The following CHSY3 variants were observed in gnomAD, a reference collection of about 807,000 sequenced individuals.
CHSY3 encodes N-acetylgalactosaminyl-proteoglycan 3-beta-glucuronosyltransferase 3.
CHSY3 carries 35 observed loss-of-function variants against 67.2 expected under a neutral mutation model. The observed-to-expected ratio is 0.52, with a 90% CI of 0.40 to 0.69. The LOEUF (loss-of-function observed/expected upper bound fraction) is 0.69. Among genes scored for constraint, CHSY3 ranks in the 30% least tolerant of loss-of-function variants. CHSY3 has a pLI of 0.00. For synonymous variants in CHSY3, 474 were observed against 434.7 expected (o/e 1.09, Z -1.12); for missense variants, 1,069 against 1,138.5 (o/e 0.94, Z 0.88).
At chr5:130,008,563 A>G (rs534044064) in intron 2 of CHSY3, among the ~76,000 whole-genome samples, 2 of 152,370 alleles carry the variant, frequency 1.3e-5, no homozygotes, top group Admixed American at 1.3e-4. Context: ...TCTAAAAGCC[A>G]GTGTCCTCTT....
intron 2 of CHSY3, among the ~76,000 whole-genome samples, chr5:130,063,736 G>A (rs1267674970): frequency 6.6e-6 from 1 of 152,060 alleles, no homozygotes; most frequent in Non-Finnish European, 1.5e-5. Flanking sequence ...CCAGTATTTG[G>A]TGTCTGGTGA....
Position 129,905,623 on chromosome 5 carries a change from A to G in CHSY3, c.794A>G (p.Tyr265Cys), listed in dbSNP as rs1170719977. ...TTCATGCGCGCCGACGACGATGTCT[A>G]CATCAAAGGTGACCTCCCTGCGCCG... Reference protein sequence around the residue: ...EWFMRADDDVYIKGDKLEEFL... With the variant: ...EWFMRADDDVCIKGDKLEEFL... The change falls in exon 1 of 3, where the codon TAC becomes TGC. Residue 265 changes from tyrosine to cysteine, a missense_variant. Tyr to Cys is a radical substitution (Grantham distance 194). Coordinates refer to ENST00000305031, the MANE Select transcript of CHSY3 (RefSeq NM_175856.5). 1 of 1,612,858 alleles carries G rather than the reference A, an allele frequency of 6.2e-7. No individual in the cohort carries two copies. The highest frequency in any genetic ancestry group is 1.3e-5 in the African/African-American group (1 of 75,026).
At chr5:130,023,968 C>G (rs4342360) in intron 2 of CHSY3, among the ~76,000 whole-genome samples, 78,817 of 151,574 alleles carry the variant, frequency 0.52, 21,188 homozygotes, top group East Asian at 0.67. Flanking sequence ...TTGGCATGAA[C>G]TACTTATCAC....
chr5:130,018,862 A>G (rs948377443), intron 2 of CHSY3, among the ~76,000 whole-genome samples: 1 of 152,100 alleles, frequency 6.6e-6, no homozygotes, highest in Non-Finnish European at 1.5e-5. Context: ...TTACTGGCTC[A>G]GTTCTCGAGT....
intron 2 of CHSY3, among the ~76,000 whole-genome samples, chr5:130,008,584 ACC>A (rs978033151): frequency 6.6e-6 from 1 of 152,114 alleles, no homozygotes; most frequent in Non-Finnish European, 1.5e-5. Flanking sequence ...CCTCCAAACA[ACC>A]CACTAGCTCC....
In CHSY3 at chr5:130,152,958, G is replaced by A. The variant is rs185254989; in HGVS notation, c.1087-31271G>A. Among the ~76,000 whole-genome samples the A allele has an allele frequency of 2.4e-3, 366 of 152,254 alleles. 3 individuals are homozygous for A. Among genetic ancestry groups the A allele is most frequent in the Admixed American group, 9.0e-3 (137 of 15,292 alleles). On this transcript the variant is annotated intron_variant, in intron 2 of 2. Transcript: ENST00000305031. ...CAACTACTGATAGGCTAAGTGCAGC[G>A]GCTCACACCTGTAATCAGTCCCAGC...
intron 2 of CHSY3, among the ~76,000 whole-genome samples, chr5:130,016,930 C>G (rs1580652482): frequency 1.3e-5 from 2 of 152,086 alleles, no homozygotes; most frequent in African/African-American, 4.8e-5. Context: ...GGATGATCAA[C>G]CGACACATTA....
At chr5:130,159,923 A>T (rs958587648) in intron 2 of CHSY3, among the ~76,000 whole-genome samples, 1 of 152,198 alleles carries the variant, frequency 6.6e-6, no homozygotes, top group African/African-American at 2.4e-5. Flanking sequence ...TCTAACTAAA[A>T]ATCCCTAATA....
intron 2 of CHSY3, among the ~76,000 whole-genome samples, chr5:129,980,952 A>G (rs568196792): frequency 7.9e-5 from 12 of 151,742 alleles, no homozygotes; most frequent in Non-Finnish European, 1.8e-4. Flanking sequence ...CACACCTGTA[A>G]TCCCAGCACT....
At chr5:129,960,457 G>A (rs1762298459) in intron 2 of CHSY3, among the ~76,000 whole-genome samples, 1 of 151,812 alleles carries the variant, frequency 6.6e-6, no homozygotes, top group South Asian at 2.1e-4. Flanking sequence ...GAAATGACTT[G>A]GGAAATTTAA....
intron 1 of CHSY3, 82 bp downstream of exon 1, chr5:129,905,713 C>T: frequency 1.3e-6 from 2 of 1,545,124 alleles, no homozygotes; most frequent in East Asian, 2.3e-5. Context: ...CTGCCCAGCC[C>T]CTCCGCTGCT....
intron 2 of CHSY3, among the ~76,000 whole-genome samples, chr5:129,999,394 T>G (rs908745255): frequency 6.7e-6 from 1 of 149,310 alleles, no homozygotes; most frequent in African/African-American, 2.6e-5. Flanking sequence ...CTAAAAACTT[T>G]CCATCATATA....
rs118180143 is a variant in CHSY3 at position 130,115,126 on chromosome 5, T to G, written c.1087-69103T>G. Among the ~76,000 whole-genome samples the G allele has an allele frequency of 5.4e-3, 826 of 152,090 alleles. 28 individuals are homozygous for G. The East Asian group carries it at 0.1, about 19-fold the overall frequency. ...AGGTAATTTTATTTCTTTTCTCAAATTTTTATAAATCTTCCACAATGAGAT... is the reference window on the plus strand; with the variant it reads ...AGGTAATTTTATTTCTTTTCTCAAAGTTTTATAAATCTTCCACAATGAGAT... On this transcript the variant is annotated intron_variant, in intron 2 of 2. Transcript: ENST00000305031.
chr5:129,918,701 G>T (rs1760812917), intron 2 of CHSY3, among the ~76,000 whole-genome samples: 1 of 152,112 alleles, frequency 6.6e-6, no homozygotes, highest in Non-Finnish European at 1.5e-5. Context: ...ATATGTACAG[G>T]TGGGAGATGT....
chr5:130,033,645 C>G (rs115619646), intron 2 of CHSY3, among the ~76,000 whole-genome samples: 230 of 152,266 alleles, frequency 1.5e-3, no homozygotes, highest in African/African-American at 5.4e-3. Context: ...GTACAAGAAA[C>G]AAACCCCACT....
At chr5:130,068,777 T>A (rs1765965971) in intron 2 of CHSY3, among the ~76,000 whole-genome samples, 1 of 152,160 alleles carries the variant, frequency 6.6e-6, no homozygotes, top group Admixed American at 6.6e-5. Flanking sequence ...AGCCTGCCAC[T>A]GTCAGGTTCT....
intron 2 of CHSY3, among the ~76,000 whole-genome samples, chr5:130,043,844 G>A (rs1765070913): frequency 6.6e-6 from 1 of 152,002 alleles, no homozygotes; most frequent in Non-Finnish European, 1.5e-5. Flanking sequence ...GTTGACTTTT[G>A]GATTTAATTA....
At chr5:130,142,147 A>G in intron 2 of CHSY3, among the ~76,000 whole-genome samples, 1 of 152,186 alleles carries the variant, frequency 6.6e-6, no homozygotes, top group East Asian at 1.9e-4. Flanking sequence ...TTATAAGTGG[A>G]AAAGGTAATG....
In CHSY3 at chr5:130,185,090, C is replaced by A; in HGVS notation, c.1948C>A (p.Gln650Lys). 6.2e-7 allele frequency: 1 copy of A among 1,601,374 alleles called. No individual in the cohort carries two copies. Among genetic ancestry groups the A allele is most frequent in the Non-Finnish European group, 8.6e-7 (1 of 1,168,458 alleles). ...NFENMCLIPK[Q>K]NVKLVIILFS... ...TGAAAACATGTGTCTTATCCCAAAGCAGAATGTAAAGTTGGTCATTATCCT... is the reference window on the plus strand; with the variant it reads ...TGAAAACATGTGTCTTATCCCAAAGAAGAATGTAAAGTTGGTCATTATCCT... Residue 650 changes from glutamine to lysine, a missense_variant, in exon 3 of 3, where the codon CAG (glutamine) becomes AAG (lysine). By Grantham distance (53) the Gln-to-Lys change is moderately conservative (BLOSUM62 1). Coordinates refer to ENST00000305031, the MANE Select transcript of CHSY3 (RefSeq NM_175856.5).
Sources: gnomAD v4.1 joint callset for allele counts (sites outside exome capture counted in the v4.1 genomes callset) on GRCh38, gnomAD v4.1.1 for gene constraint, MANE v1.5 for transcripts, NCBI Gene and HGNC (gene_info 2026-07-23, HGNC 2026-07-21) for gene names.